Variants in APBB2 observed in about 807,000 individuals in gnomAD.
The protein encoded by APBB2 is Fe65-like 1.
APBB2 carries 38 observed loss-of-function variants against 82.5 expected under a neutral mutation model. That is an observed-to-expected ratio of 0.46 (90% CI 0.36 to 0.60). The LOEUF is 0.60. APBB2 is among the 20% of genes least tolerant of loss of function. APBB2 has a pLI of 0.00. For missense variants in APBB2, 772 were observed against 972.3 expected (o/e 0.79, Z 2.74); for synonymous variants, 341 against 368.2 (o/e 0.93, Z 0.85).
At chr4:41,196,707 T>G in intron 1 of APBB2, among the ~76,000 whole-genome samples, 1 of 152,084 alleles carries the variant, frequency 6.6e-6, no homozygotes, top group African/African-American at 2.4e-5. Context: ...TGTTTACTTT[T>G]TAGTCTCTTT....
At chr4:41,131,039 A>G (rs897652216) in intron 2 of APBB2, among the ~76,000 whole-genome samples, 1 of 152,212 alleles carries the variant, frequency 6.6e-6, no homozygotes, top group African/African-American at 2.4e-5. Flanking sequence ...GGAACATCAC[A>G]GCAAAACATG....
At chr4:41,156,466 T>G (rs2154030953) in intron 1 of APBB2, among the ~76,000 whole-genome samples, 1 of 152,344 alleles carries the variant, frequency 6.6e-6, no homozygotes, top group Middle Eastern at 3.4e-3. Context: ...CAGTCCAGCT[T>G]CATTCACTCA....
intron 6 of APBB2, among the ~76,000 whole-genome samples, chr4:40,948,520 G>T (rs1789084516): frequency 6.6e-6 from 1 of 152,106 alleles, no homozygotes; most frequent in South Asian, 2.1e-4. Flanking sequence ...CAGCACTTTG[G>T]GAGGCCGAGG....
intron 3 of APBB2, among the ~76,000 whole-genome samples, chr4:41,066,946 G>A (rs1360605884): frequency 6.6e-6 from 1 of 152,138 alleles, no homozygotes; most frequent in Non-Finnish European, 1.5e-5. Context: ...AGGAAAGGGT[G>A]GAGATTAGGG....
rs758645048 is a variant in APBB2, at chr4:40,893,424, G to C, written c.1255-13C>G. ...GCACAGCAAAACACTGGAAGACAGTGAAAGAGGACAAGAAGTCACTCCATG... is the reference window on the plus strand; with the variant it reads ...GCACAGCAAAACACTGGAAGACAGTCAAAGAGGACAAGAAGTCACTCCATG... On this transcript the variant is annotated splice_polypyrimidine_tract_variant and intron_variant, in intron 10 of 17. Coordinates refer to ENST00000508593, the MANE Select transcript of APBB2 (RefSeq NM_004307.2). The C allele has an allele frequency of 1.3e-6, 2 of 1,599,524 alleles. No individual in the cohort carries two copies. The highest frequency in any genetic ancestry group is 1.7e-6 in the Non-Finnish European group (2 of 1,171,588).
intron 6 of APBB2, among the ~76,000 whole-genome samples, chr4:40,976,627 T>C (rs1797232883): frequency 6.6e-6 from 1 of 152,204 alleles, no homozygotes; most frequent in African/African-American, 2.4e-5. Context: ...CTCTGACCAC[T>C]AATGTGTACT....
intron 10 of APBB2, among the ~76,000 whole-genome samples, chr4:40,929,857 G>T (rs1783632531): frequency 6.6e-6 from 1 of 152,150 alleles, no homozygotes; most frequent in African/African-American, 2.4e-5. Context: ...TAATTTAAAA[G>T]AAAAAGAAGT....
rs184397329 is a variant in APBB2, at chr4:41,200,106, G to A, written c.-417+14299C>T. 4.5e-4 allele frequency among the ~76,000 whole-genome samples: 69 copies of A among 152,198 alleles called. 1 individual carries two copies. Among genetic ancestry groups the A allele is most frequent in the African/African-American group, 1.5e-3 (64 of 41,506 alleles). On this transcript the variant is annotated intron_variant, in intron 1 of 17. Transcript: ENST00000508593. The stretch of plus-strand genomic sequence containing the variant: ...AGACACAACTAAATGAATATATTAC[G>A]CTAGCATCACCTACATGGTGAAAAG...
rs554885091 is a variant in APBB2, at chr4:40,880,624, A to G, written c.1529+9740T>C. The G allele has an allele frequency of 1.9e-5, 19 of 985,462 alleles. No homozygotes were observed. The East Asian group carries it at 1.5e-3, about 76-fold the overall frequency. 61.0% of individuals were successfully genotyped at this position (985,462 alleles called of 1,614,324 possible). On this transcript the variant is annotated intron_variant, in intron 12 of 17. Coordinates refer to ENST00000508593, the MANE Select transcript of APBB2 (RefSeq NM_004307.2). ...TTCCTGGGATGCTCCAAGTATTCAA[A>G]GAAGATCACGGCACTTTGAGGATGG...
chr4:40,819,572 T>A (rs1054727094), intron 17 of APBB2, among the ~76,000 whole-genome samples: 2 of 151,858 alleles, frequency 1.3e-5, no homozygotes, highest in Admixed American at 1.3e-4. Flanking sequence ...AGGGAGGAGT[T>A]CAAGACCAAC....
chr4:40,940,622 G>A (rs1456041382), intron 7 of APBB2, among the ~76,000 whole-genome samples: 2 of 152,158 alleles, frequency 1.3e-5, no homozygotes, highest in African/African-American at 4.8e-5. Context: ...TCCTGGGGGG[G>A]TTAGGCTCTC....
At chr4:41,042,051 C>T (rs1250345122) in intron 4 of APBB2, among the ~76,000 whole-genome samples, 2 of 152,024 alleles carry the variant, frequency 1.3e-5, no homozygotes, top group Admixed American at 1.3e-4. Flanking sequence ...AGTGCAGTGG[C>T]GTGATCTCAG....
At chr4:40,922,122 T>C (rs1781410625) in intron 10 of APBB2, among the ~76,000 whole-genome samples, 1 of 152,156 alleles carries the variant, frequency 6.6e-6, no homozygotes, top group Non-Finnish European at 1.5e-5. Context: ...CTAAGTGAAA[T>C]TATTTATGTG....
chr4:41,092,323 G>A (rs1742014249), intron 3 of APBB2, among the ~76,000 whole-genome samples: 1 of 152,188 alleles, frequency 6.6e-6, no homozygotes, highest in African/African-American at 2.4e-5. Context: ...CTTTCTTGCA[G>A]GAATCACATA....
At chr4:41,144,631 G>A (rs1415176299) in intron 1 of APBB2, among the ~76,000 whole-genome samples, 1 of 152,220 alleles carries the variant, frequency 6.6e-6, no homozygotes, top group Non-Finnish European at 1.5e-5. Context: ...TCTGATCACA[G>A]AAGTTCTTAA....
rs183041969 is a variant in APBB2 at position 41,000,455 on chromosome 4, T to C, written c.835+13128A>G. Among the ~76,000 whole-genome samples, 200 of 152,246 alleles carry C rather than the reference T, an allele frequency of 1.3e-3. 1 individual carries two copies. The highest frequency in any genetic ancestry group is 4.5e-3 in the African/African-American group (188 of 41,538). ...ACAATCTTATAAAGCAGATTACTAC[T>C]ATTACTATTCTCATTTTAGAGATTA... is the stretch of plus-strand genomic sequence containing the variant. On this transcript the variant is annotated intron_variant, in intron 6 of 17. Transcript: ENST00000508593.
chr4:40,890,808 T>C (rs903909358), intron 11 of APBB2: 6 of 217,740 alleles, frequency 2.8e-5, no homozygotes, highest in African/African-American at 6.9e-5. Flanking sequence ...CCCTGGAGAA[T>C]ACGTCTTTTA....
intron 10 of APBB2, among the ~76,000 whole-genome samples, chr4:40,921,208 TA>T (rs1045145419): frequency 2.3e-4 from 35 of 152,354 alleles, no homozygotes; most frequent in African/African-American, 8.4e-4. Context: ...CCATACATGC[TA>T]AATGCTCTAT....
chr4:41,193,295 T>G (rs1400507989), intron 1 of APBB2, among the ~76,000 whole-genome samples: 2 of 152,216 alleles, frequency 1.3e-5, no homozygotes, highest in Non-Finnish European at 2.9e-5. Context: ...AACTGGCACA[T>G]ACTCTGTGAC....
Sources: allele counts gnomAD v4.1 joint callset (sites outside exome capture counted in the v4.1 genomes callset), GRCh38; gene constraint gnomAD v4.1.1; transcripts MANE v1.5; gene names NCBI Gene and HGNC (gene_info 2026-07-23, HGNC 2026-07-21).